The following RNF4 variants were observed in gnomAD, a reference collection of about 807,000 sequenced individuals.
The protein encoded by RNF4 is ring finger protein 4.
RNF4 carries 7 observed loss-of-function variants against 24.3 expected under a neutral mutation model. The observed-to-expected ratio is 0.29, with a 90% CI of 0.16 to 0.54. The LOEUF is 0.54. Ranked by LOEUF, RNF4 falls within the 20% of genes least tolerant of loss-of-function variation. RNF4 has a pLI of 0.95. For missense variants in RNF4, 209 were observed against 248.5 expected (o/e 0.84, Z 1.07); for synonymous variants, 83 against 84.3 (o/e 0.98, Z 0.09).
intron 7 of RNF4, among the ~76,000 whole-genome samples, chr4:2,513,340 C>G (rs554058900): frequency 1.3e-5 from 2 of 152,320 alleles, no homozygotes; most frequent in East Asian, 3.9e-4. Context: ...CCCCTATACT[C>G]CTGTATGCCC....
chr4:2,485,054 C>T (rs372075250), intron 1 of RNF4, among the ~76,000 whole-genome samples: 7 of 152,272 alleles, frequency 4.6e-5, no homozygotes, highest in East Asian at 1.9e-4. Context: ...TGCTCCCTTC[C>T]GCCCACCCCA....
chr4:2,494,399 CAG>C (rs1190684148), intron 2 of RNF4, among the ~76,000 whole-genome samples: 1 of 119,724 alleles, frequency 8.4e-6, no homozygotes, highest in Non-Finnish European at 1.7e-5. Flanking sequence ...TTTTTGGAGA[CAG>C]AGTCTCACTC....
intron 1 of RNF4, among the ~76,000 whole-genome samples, chr4:2,484,067 T>TCCCCCCA (rs1553877533): frequency 7.5e-5 from 1 of 13,248 alleles, no homozygotes; most frequent in East Asian, 5.0e-3. Flanking sequence ...CCTCAGGTGA[T>TCCCCCCA]CCCCCCCCGC....
chr4:2,507,758 T>C (rs1416527222), intron 4 of RNF4, among the ~76,000 whole-genome samples: 2 of 152,202 alleles, frequency 1.3e-5, no homozygotes. Context: ...GCAGGTCCAC[T>C]CGTCTCTAAA....
intron 1 of RNF4, among the ~76,000 whole-genome samples, chr4:2,473,212 T>G (rs1458978380): frequency 6.6e-6 from 1 of 150,840 alleles, no homozygotes; most frequent in Non-Finnish European, 1.5e-5. Flanking sequence ...TGAAACCCCG[T>G]CTCTACCAAC....
intron 2 of RNF4, among the ~76,000 whole-genome samples, chr4:2,493,743 TAA>T (rs34740719): frequency 2.1e-3 from 181 of 88,128 alleles, no homozygotes; most frequent in African/African-American, 5.8e-3. Flanking sequence ...GACTCCGTCT[TAA>T]AAAAAAAAAA....
Position 2,512,257 on chromosome 4 carries a change from A to G in RNF4, c.215-181A>G. ...GGGTTGGGGGGTTTCTCCTGGGAAG[A>G]TAAGATAGTGGCCTCCAGAGCTGGG... is the stretch of plus-strand genomic sequence containing the variant. On this transcript the variant is annotated intron_variant, in intron 5 of 7. Coordinates refer to ENST00000314289, the MANE Select transcript of RNF4 (RefSeq NM_002938.5). This position sits in a 1 kb window ranked among gnomAD's most constrained non-coding sequence, Gnocchi z 4.1. The G allele has an allele frequency of 1.3e-6, 1 of 756,082 alleles. No individual in the cohort carries two copies. Among genetic ancestry groups the G allele is most frequent in the Non-Finnish European group, 2.2e-6 (1 of 464,236 alleles). The allele number at this position is 756,082 out of a possible 1,614,324, so 46.8% of individuals were successfully genotyped here.
At chr4:2,489,093 G>A (rs1735502455) in intron 1 of RNF4, among the ~76,000 whole-genome samples, 1 of 152,184 alleles carries the variant, frequency 6.6e-6, no homozygotes, top group African/African-American at 2.4e-5. Context: ...GATTACAGGT[G>A]TGAGCTACTA....
intron 1 of RNF4, among the ~76,000 whole-genome samples, chr4:2,481,510 T>G (rs1005088785): frequency 8.5e-5 from 13 of 152,314 alleles, no homozygotes; most frequent in African/African-American, 2.9e-4. Context: ...TGCTTGTGAT[T>G]ATTTGGGAGC....
Position 2,512,352 on chromosome 4 carries a change from A to T in RNF4, c.215-86A>T, listed in dbSNP as rs1223099305. The stretch of plus-strand genomic sequence containing the variant: ...TGGGGGTCCCAGGCAGGGAAGGAAG[A>T]GGGTCTTAAGAGGCGTCAGGATGGG... On this transcript the variant is annotated intron_variant, in intron 5 of 7. Transcript: ENST00000314289. The surrounding 1 kb of genome is among the most constrained non-coding windows in gnomAD (Gnocchi z 4.1). 1 of 1,461,678 alleles carries T rather than the reference A, an allele frequency of 6.8e-7. No individual in the cohort carries two copies. The allele number at this position is 1,461,678 out of a possible 1,614,324, so 90.5% of individuals were successfully genotyped here.
At chr4:2,493,083 G>A (rs568235608) in intron 2 of RNF4, among the ~76,000 whole-genome samples, 3 of 152,200 alleles carry the variant, frequency 2.0e-5, no homozygotes, top group Admixed American at 6.5e-5. Flanking sequence ...GAGCTCTGCA[G>A]ATATTCCTGG....
At chr4:2,513,451 C>G (rs1321606818) in intron 7 of RNF4, among the ~76,000 whole-genome samples, 2 of 152,238 alleles carry the variant, frequency 1.3e-5, no homozygotes, top group African/African-American at 4.8e-5. Flanking sequence ...CCCTCTTGGG[C>G]TGTCACACTG....
chr4:2,512,426 C>A lies in RNF4; in HGVS notation c.215-12C>A. ...AGAGCCTCCAACCTGAAAATGTGAC[C>A]TCTTACCTTAGAAAGAAGAAGACCA... On this transcript the variant is annotated splice_polypyrimidine_tract_variant and intron_variant, in intron 5 of 7. Coordinates refer to ENST00000314289, the MANE Select transcript of RNF4 (RefSeq NM_002938.5). The surrounding 1 kb of genome is among the most constrained non-coding windows in gnomAD (Gnocchi z 4.1). 1 of 1,601,618 alleles carries A rather than the reference C, an allele frequency of 6.2e-7. No homozygotes were observed. Among genetic ancestry groups the A allele is most frequent in the African/African-American group, 1.3e-5 (1 of 74,676 alleles).
At chr4:2,502,478 G>A (rs1318683035) in intron 4 of RNF4, among the ~76,000 whole-genome samples, 2 of 152,090 alleles carry the variant, frequency 1.3e-5, no homozygotes, top group African/African-American at 2.4e-5. Flanking sequence ...AAGGTCAGGA[G>A]TTTGACATCA....
At chr4:2,480,082 CA>C (rs1297088977) in intron 1 of RNF4, 1 of 151,930 alleles carries the variant, frequency 6.6e-6, no homozygotes, top group Non-Finnish European at 1.5e-5. Context: ...AGGCACGTGC[CA>C]CCACACCCTG....
intron 2 of RNF4, among the ~76,000 whole-genome samples, chr4:2,492,945 C>T (rs1215486831): frequency 2.6e-5 from 4 of 152,296 alleles, no homozygotes; most frequent in Non-Finnish European, 4.4e-5. Context: ...CTGAAAGTTA[C>T]GGTGTGGTTA....
At chr4:2,478,709 A>G (rs1159889767) in intron 1 of RNF4, among the ~76,000 whole-genome samples, 2 of 152,276 alleles carry the variant, frequency 1.3e-5, no homozygotes, top group African/African-American at 2.4e-5. Flanking sequence ...CAGAGGATGC[A>G]TGGAAACACC....
At chr4:2,490,633 A>T in intron 2 of RNF4, 131 bp downstream of exon 2, 1 of 924,970 alleles carries the variant, frequency 1.1e-6, no homozygotes, top group Admixed American at 2.5e-5. Flanking sequence ...AGGAGTATGT[A>T]TAGGAGCTTT....
intron 1 of RNF4, chr4:2,480,180 A>G (rs1735205704): frequency 6.6e-6 from 1 of 152,028 alleles, no homozygotes; most frequent in Non-Finnish European, 1.5e-5. Flanking sequence ...TCCTGGGCTC[A>G]AGCAATCCTG....
Sources: allele counts gnomAD v4.1 joint callset (sites outside exome capture counted in the v4.1 genomes callset), GRCh38; gene constraint gnomAD v4.1.1; non-coding constraint Gnocchi (gnomAD v3.1); transcripts MANE v1.5; gene names NCBI Gene and HGNC (gene_info 2026-07-23, HGNC 2026-07-21).